The following DECR2 variants were observed in gnomAD, a reference collection of about 807,000 sequenced individuals.
The protein encoded by DECR2 is 2,4-dienoyl-CoA reductase 2.
In DECR2, 34 loss-of-function variants were observed where a neutral mutation model predicts 29.2. That is an observed-to-expected ratio of 1.16 (90% CI 0.89 to 1.55). DECR2 has a LOEUF of 1.55. DECR2 is among the 40% of genes most tolerant of loss of function. DECR2 has a pLI of 0.00. For missense variants in DECR2, 485 were observed against 425.3 expected, an observed-to-expected ratio of 1.14 and a Z score of -1.23; for synonymous variants, 224 against 182.7, an observed-to-expected ratio of 1.23 and a Z score of -1.82.
Position 410,135 on chromosome 16 carries a change from G to A in DECR2, c.338-108G>A. The A allele has an allele frequency of 6.8e-7, 1 of 1,470,596 alleles. No individual in the cohort carries two copies. Among genetic ancestry groups the A allele is most frequent in the South Asian group, 1.3e-5 (1 of 77,338 alleles). The allele number at this position is 1,470,596 out of a possible 1,614,324, so 91.1% of individuals were successfully genotyped here. ...GCATGGGTCTCCTCCCTGTGCCACA[G>A]GGCACCTGGGCTCCCTCCTGCACCC... On this transcript the variant is annotated intron_variant, in intron 4 of 8. Coordinates refer to ENST00000219481, the MANE Select transcript of DECR2 (RefSeq NM_020664.4). The surrounding 1 kb of genome is among the most constrained non-coding windows in gnomAD (Gnocchi z 4.1).
chr16:404,986 C>T lies in DECR2; in HGVS notation c.111C>T (p.Gly37=). The part of the protein sequence containing the change: ...RDKVAFITGG[G]SGIGFRIAEI... Reference sequence around the variant, plus strand: ...AAGTGGCCTTCATCACAGGAGGCGGCTCTGGGATTGGGTTCCGGATTGCTG... The same window carrying T: ...AAGTGGCCTTCATCACAGGAGGCGGTTCTGGGATTGGGTTCCGGATTGCTG... Residue 37 remains glycine, a synonymous_variant, in exon 2 of 9, where the codon GGC becomes GGT. Coordinates refer to ENST00000219481, the MANE Select transcript of DECR2 (RefSeq NM_020664.4). 6.2e-7 allele frequency: 1 copy of T among 1,614,110 alleles called. No homozygotes were observed. Among genetic ancestry groups the T allele is most frequent in the Non-Finnish European group, 8.5e-7 (1 of 1,179,970 alleles).
Position 410,865 on chromosome 16 carries a change from T to G in DECR2, c.556+81T>G, listed in dbSNP as rs1314350091. 4 of 1,517,602 alleles carry G rather than the reference T, an allele frequency of 2.6e-6. No individual in the cohort carries two copies. The African/African-American group carries it at 5.6e-5, about 21-fold the overall frequency. The allele number at this position is 1,517,602 out of a possible 1,614,324, so 94.0% of individuals were successfully genotyped here. On this transcript the variant is annotated intron_variant, in intron 6 of 8. Transcript: ENST00000219481. The surrounding 1 kb of genome is among the most constrained non-coding windows in gnomAD (Gnocchi z 4.1). ...TGCTTCCATCCCAGGAGGCCAGCAG[T>G]CTCCACTTGAAGCTGAGCCCAGCTG... is the stretch of plus-strand genomic sequence containing the variant.
rs1206022295 is a variant in DECR2, at chr16:412,276, G to A, written c.*387G>A. The A allele has an allele frequency of 6.6e-6, 1 of 152,320 alleles. No homozygotes were observed. Among genetic ancestry groups the A allele is most frequent in the Non-Finnish European group, 1.5e-5 (1 of 68,106 alleles). 9.4% of individuals were successfully genotyped at this position (152,320 alleles called of 1,614,324 possible). A position where few individuals can be genotyped will look rare whatever the true frequency, so the allele number is the denominator to read the frequency against. Reference sequence around the variant, plus strand: ...TGAAAACACTGAGGTGCTCCCATCTGTGCGTGGCCCATGAGCTGGGATGGT... The same window carrying A: ...TGAAAACACTGAGGTGCTCCCATCTATGCGTGGCCCATGAGCTGGGATGGT... On this transcript the variant is annotated 3_prime_UTR_variant, in exon 9 of 9. Transcript: ENST00000219481.
intron 4 of DECR2, among the ~76,000 whole-genome samples, chr16:407,821 G>A (rs557842995): frequency 1.4e-5 from 2 of 139,426 alleles, no homozygotes; most frequent in Non-Finnish European, 3.1e-5. Flanking sequence ...CTCTGTCTTC[G>A]GCCGCATCTC....
At position 410,273 on chromosome 16, in the gene DECR2, GCGCCTTGTCCTTCAA is replaced by G. The variant is rs778376604; in HGVS notation, c.375_389del (p.Leu125_Ala129del). On this transcript the variant is annotated inframe_deletion, in exon 5 of 9. Coordinates refer to ENST00000219481, the MANE Select transcript of DECR2 (RefSeq NM_020664.4). The surrounding 1 kb of genome is among the most constrained non-coding windows in gnomAD (Gnocchi z 4.1). Reference sequence around the variant, plus strand: ...GCCGGGAACTTCCTGTGCCCCGCTGGCGCCTTGTCCTTCAACGCCTTCAAGACCGTGATGGACATC... The same window carrying G: ...GCCGGGAACTTCCTGTGCCCCGCTGGCGCCTTCAAGACCGTGATGGACATC... 9.3e-6 allele frequency: 15 copies of G among 1,613,570 alleles called. No individual in the cohort carries two copies. In the South Asian group the frequency reaches 1.6e-4, roughly 18 times the overall value.
chr16:408,172 T>C (rs2054762514), intron 4 of DECR2, among the ~76,000 whole-genome samples: 1 of 143,874 alleles, frequency 7.0e-6, no homozygotes, highest in African/African-American at 2.6e-5. Flanking sequence ...TCCGGGCCTC[T>C]GTCTCCGGGC....
chr16:409,851 C>T, intron 4 of DECR2: 1 of 195,612 alleles, frequency 5.1e-6, no homozygotes, highest in East Asian at 1.3e-4. Context: ...CGTCGCTGCA[C>T]TGTCTGCCAC....
In DECR2 at chr16:406,390, T is replaced by G; in HGVS notation, c.194T>G (p.Val65Gly). 6.2e-7 allele frequency: 1 copy of G among 1,607,716 alleles called. No individual in the cohort carries two copies. The highest frequency in any genetic ancestry group is 8.5e-7 in the Non-Finnish European group (1 of 1,179,886). The stretch of plus-strand genomic sequence containing the variant: ...ATTGCCAGTAGGAGCCTGCCGCGAG[T>G]GCTGACGGTGAGAGGGCCTCTCCCA... The part of the protein sequence containing the change: ...TVIASRSLPR[V>G]LTAARKLAGA... Residue 65 changes from valine (V) to glycine (G), a missense_variant, in exon 3 of 9, where the codon GTG (valine) becomes GGG (glycine). Val to Gly is a moderately radical substitution (Grantham distance 109, BLOSUM62 -3). Coordinates refer to ENST00000219481, the MANE Select transcript of DECR2 (RefSeq NM_020664.4).
Position 410,086 on chromosome 16 carries a change from G to C in DECR2, c.338-157G>C. The C allele has an allele frequency of 9.2e-7, 1 of 1,091,924 alleles. No homozygotes were observed. Among genetic ancestry groups the C allele is most frequent in the African/African-American group, 1.6e-5 (1 of 63,216 alleles). The allele number at this position is 1,091,924 out of a possible 1,614,324, so 67.6% of individuals were successfully genotyped here. On this transcript the variant is annotated intron_variant, in intron 4 of 8. Transcript: ENST00000219481. This position sits in a 1 kb window ranked among gnomAD's most constrained non-coding sequence, Gnocchi z 4.1. ...GCAGCCAGGACGCCCGTCTTGCTCT[G>C]GTCATTTTGGAATTTATCCTAGGGC...
intron 1 of DECR2, 105 bp downstream of exon 1, chr16:402,148 C>A: frequency 5.9e-6 from 5 of 853,546 alleles, no homozygotes; most frequent in South Asian, 3.0e-5. Context: ...GGAAACCTGT[C>A]TTGCCTGGCT....
intron 4 of DECR2, chr16:409,812 T>C (rs2054788671): frequency 6.0e-6 from 1 of 165,648 alleles, no homozygotes; most frequent in African/African-American, 2.4e-5. Context: ...GGTACTGCCA[T>C]AGCCCTTGGC....
At chr16:405,908 G>A (rs1200285259) in intron 2 of DECR2, among the ~76,000 whole-genome samples, 1 of 152,208 alleles carries the variant, frequency 6.6e-6, no homozygotes, top group African/African-American at 2.4e-5. Flanking sequence ...GGCATTCCTG[G>A]AACCAGGGTT....
chr16:408,193 G>A lies in DECR2; in HGVS notation c.337+633G>A, dbSNP rs562283160. 3.6e-3 allele frequency among the ~76,000 whole-genome samples: 487 copies of A among 136,536 alleles called. 4 individuals carry two copies. The highest frequency in any genetic ancestry group is 0.015 in the Middle Eastern group (3 of 200). 89.6% of individuals were successfully genotyped at this position (136,536 alleles called of 152,430 possible). ...CCTCTGTCTCCGGGCCTCTGTCTCC[G>A]GCCCCCTGTCTCCGGCCCCCTGTCT... On this transcript the variant is annotated intron_variant, in intron 4 of 8. Coordinates refer to ENST00000219481, the MANE Select transcript of DECR2 (RefSeq NM_020664.4).
At chr16:411,249 C>A in intron 7 of DECR2, 112 bp from the exon 8 acceptor site, 1 of 1,240,234 alleles carries the variant, frequency 8.1e-7, no homozygotes, top group Non-Finnish European at 1.1e-6. Flanking sequence ...GCCTTGGTGA[C>A]ACTGACTGTG....
intron 7 of DECR2, 84 bp downstream of exon 7, chr16:411,160 G>A (rs1455961456): frequency 1.5e-6 from 2 of 1,358,778 alleles, no homozygotes; most frequent in Admixed American, 2.9e-5. Flanking sequence ...ACCTTGGCAG[G>A]GTGTATGTTG....
chr16:402,432 G>C (rs2054678726), intron 1 of DECR2, among the ~76,000 whole-genome samples: 1 of 151,948 alleles, frequency 6.6e-6, no homozygotes, highest in Non-Finnish European at 1.5e-5. Context: ...ACCGCGCCCG[G>C]CCCAACCTGG....
intron 2 of DECR2, 104 bp downstream of exon 2, chr16:405,128 T>G (rs1567339283): frequency 7.3e-7 from 1 of 1,378,080 alleles, no homozygotes; most frequent in East Asian, 2.3e-5. Flanking sequence ...AGATGTCCCC[T>G]GCTCACCTAC....
intron 8 of DECR2, 140 bp downstream of exon 8, chr16:411,718 A>C: frequency 2.2e-6 from 2 of 924,902 alleles, no homozygotes; most frequent in Non-Finnish European, 3.2e-6. Context: ...CTGCCCACAC[A>C]TGGGTGCTGC....
chr16:410,407 G>C lies in DECR2; in HGVS notation c.462+40G>C, dbSNP rs201367889. On this transcript the variant is annotated intron_variant, in intron 5 of 8. Transcript: ENST00000219481. The surrounding 1 kb of genome is among the most constrained non-coding windows in gnomAD (Gnocchi z 4.1). ...CGCTCTGTGAGAAGTTCTTCCGGGT[G>C]GGTGCCTCGTGCGCTCTGTGAGAAG... 1.3e-6 allele frequency: 2 copies of C among 1,591,528 alleles called. No homozygotes were observed. The highest frequency in any genetic ancestry group is 2.2e-5 in the South Asian group (2 of 90,590).
Sources: allele counts gnomAD v4.1 joint callset (sites outside exome capture counted in the v4.1 genomes callset), GRCh38; gene constraint gnomAD v4.1.1; non-coding constraint Gnocchi (gnomAD v3.1); transcripts MANE v1.5; gene names NCBI Gene and HGNC (gene_info 2026-07-23, HGNC 2026-07-21).